AK8: variants seen among roughly 807,000 people sequenced by gnomAD.
AK8 encodes ATP-AMP transphosphorylase 8.
A neutral mutation model predicts 54.6 loss-of-function variants in AK8; 44 were observed. That is an observed-to-expected ratio of 0.81 (90% CI 0.63 to 1.04). AK8 has a LOEUF of 1.04. Among genes scored for constraint, AK8 ranks in the 50% least tolerant of loss-of-function variants. The probability of loss-of-function intolerance (pLI) is 0.00; values close to 1 mark genes in which losing one functional copy is unlikely to be tolerated. For synonymous variants in AK8, 239 were observed against 245.6 expected, an observed-to-expected ratio of 0.97 and a Z score of 0.25; for missense variants, 555 against 613.6, an observed-to-expected ratio of 0.90 and a Z score of 1.01.
rs1170168975 is a variant in AK8 at position 132,804,071 on chromosome 9, G to A, written c.979+10567C>T. Among the ~76,000 whole-genome samples, 6 of 140,180 alleles carry A rather than the reference G, an allele frequency of 4.3e-5. 1 individual carries two copies. Among genetic ancestry groups the A allele is most frequent in the South Asian group, 2.3e-4 (1 of 4,432 alleles). 92.0% of individuals were successfully genotyped at this position (140,180 alleles called of 152,430 possible). The stretch of plus-strand genomic sequence containing the variant: ...TAGTGAGCCGAGATCGCGCCACTGC[G>A]ATCCAGCCTGGGGACAGAGTGAGAC... On this transcript the variant is annotated intron_variant, in intron 10 of 12. Coordinates refer to ENST00000298545, the MANE Select transcript of AK8 (RefSeq NM_152572.3).
intron 4 of AK8, among the ~76,000 whole-genome samples, chr9:132,863,143 GGGGGAATGGGCACTGCCCGGACCAGA>G (rs1406425439): frequency 1.3e-5 from 2 of 152,260 alleles, no homozygotes; most frequent in Non-Finnish European, 2.9e-5. Flanking sequence ...GGGAGGGACA[GGGGGAATGGGCACTGCCCGGACCAGA>G]GGGTGGGCTG....
chr9:132,801,291 C>T (rs1840446196), intron 10 of AK8, among the ~76,000 whole-genome samples: 1 of 152,190 alleles, frequency 6.6e-6, no homozygotes, highest in South Asian at 2.1e-4. Context: ...AGACATTCTT[C>T]TATAAACAAC....
At chr9:132,768,635 C>A (rs2131079226) in intron 11 of AK8, among the ~76,000 whole-genome samples, 1 of 152,120 alleles carries the variant, frequency 6.6e-6, no homozygotes, top group Middle Eastern at 3.4e-3. Flanking sequence ...AGGAAATGAT[C>A]AAAACATATG....
At chr9:132,746,510 C>CA (rs1480141640) in intron 11 of AK8, among the ~76,000 whole-genome samples, 1 of 152,220 alleles carries the variant, frequency 6.6e-6, no homozygotes, top group Non-Finnish European at 1.5e-5. Flanking sequence ...GTGGCCTTAG[C>CA]ATCGAGGCTG....
chr9:132,823,302 A>G lies in AK8; in HGVS notation c.792T>C (p.Asn264=), dbSNP rs751866442. 2 of 1,613,822 alleles carry G rather than the reference A, an allele frequency of 1.2e-6. No individual in the cohort carries two copies. The highest frequency in any genetic ancestry group is 8.5e-7 in the Non-Finnish European group (1 of 1,179,882). The part of the protein sequence containing the change: ...LTYVQSNHRT[N]APFTPRVLLL... Reference sequence around the variant, plus strand: ...GCAGCACCCTCGGGGTGAACGGGGCATTAGTACGATGGTTGCTTTGGACAT... The same window carrying G: ...GCAGCACCCTCGGGGTGAACGGGGCGTTAGTACGATGGTTGCTTTGGACAT... Residue 264 remains asparagine (N), a synonymous_variant, in exon 9 of 13, where the codon AAT becomes AAC. Coordinates refer to ENST00000298545, the MANE Select transcript of AK8 (RefSeq NM_152572.3).
At chr9:132,800,421 A>C (rs534613670) in intron 10 of AK8, among the ~76,000 whole-genome samples, 2 of 152,326 alleles carry the variant, frequency 1.3e-5, no homozygotes, top group Middle Eastern at 3.4e-3. Context: ...AATGAGGAGA[A>C]ACTGGGATTG....
intron 5 of AK8, among the ~76,000 whole-genome samples, chr9:132,851,551 C>T (rs1212076413): frequency 6.6e-6 from 1 of 152,236 alleles, no homozygotes; most frequent in Non-Finnish European, 1.5e-5. Context: ...AGGCTCACCC[C>T]CAAGCTGTGC....
At chr9:132,740,706 T>G (rs368637665) in intron 11 of AK8, among the ~76,000 whole-genome samples, 13 of 147,734 alleles carry the variant, frequency 8.8e-5, no homozygotes, top group African/African-American at 3.2e-4. Context: ...GTCTTAGAGC[T>G]GAGCACCCCC....
intron 10 of AK8, among the ~76,000 whole-genome samples, chr9:132,793,894 AGCTGC>A (rs1840043672): frequency 6.6e-6 from 1 of 152,132 alleles, no homozygotes; most frequent in Non-Finnish European, 1.5e-5. Flanking sequence ...TTTCTCTGGA[AGCTGC>A]CTGGTTACCC....
intron 9 of AK8, 121 bp downstream of exon 9, chr9:132,823,084 G>A: frequency 7.4e-7 from 1 of 1,345,882 alleles, no homozygotes; most frequent in Non-Finnish European, 9.8e-7. Flanking sequence ...GAGCCAGAAA[G>A]AGAAGTGATA....
chr9:132,752,717 G>A (rs1470802025), intron 11 of AK8, among the ~76,000 whole-genome samples: 3 of 118,314 alleles, frequency 2.5e-5, no homozygotes, highest in Non-Finnish European at 5.1e-5. Context: ...GACGCTGGCT[G>A]CCCCCCACCC....
chr9:132,793,024 C>T (rs1372457825), intron 10 of AK8, among the ~76,000 whole-genome samples: 1 of 152,076 alleles, frequency 6.6e-6, no homozygotes, highest in East Asian at 1.9e-4. Context: ...CTGGACACGA[C>T]ACCATCCCCA....
In AK8 at chr9:132,791,574, T is replaced by C. The variant is rs146036488; in HGVS notation, c.1121+1060A>G. 4.6e-5 allele frequency among the ~76,000 whole-genome samples: 7 copies of C among 152,328 alleles called. No individual in the cohort carries two copies. The highest frequency in any genetic ancestry group is 1.7e-4 in the African/African-American group (7 of 41,568). On this transcript the variant is annotated intron_variant, in intron 11 of 12. Transcript: ENST00000298545. This position sits in a 1 kb window ranked among gnomAD's most constrained non-coding sequence, Gnocchi z 4.0. ...ATCAATGAGAGGGCCTTGTCCTGCATTGACTATTGAAATACAGATATGACA... is the reference window on the plus strand; with the variant it reads ...ATCAATGAGAGGGCCTTGTCCTGCACTGACTATTGAAATACAGATATGACA...
At chr9:132,863,035 A>C (rs888772265) in intron 4 of AK8, among the ~76,000 whole-genome samples, 3 of 152,270 alleles carry the variant, frequency 2.0e-5, no homozygotes, top group African/African-American at 7.2e-5. Context: ...AATGTGATCA[A>C]GCCTTATATT....
Position 132,791,600 on chromosome 9 carries a change from A to G in AK8, c.1121+1034T>C, listed in dbSNP as rs751896469. 5.9e-5 allele frequency among the ~76,000 whole-genome samples: 9 copies of G among 152,228 alleles called. No individual in the cohort carries two copies. Among genetic ancestry groups the G allele is most frequent in the Non-Finnish European group, 1.2e-4 (8 of 68,038 alleles). ...TGACTATTGAAATACAGATATGACA[A>G]AAGTAAAGTAGTTAAACAGAGAGGT... On this transcript the variant is annotated intron_variant, in intron 11 of 12. Transcript: ENST00000298545. The surrounding 1 kb of genome is among the most constrained non-coding windows in gnomAD (Gnocchi z 4.0).
At chr9:132,730,006 A>C (rs1836760059) in intron 11 of AK8, among the ~76,000 whole-genome samples, 1 of 152,144 alleles carries the variant, frequency 6.6e-6, no homozygotes, top group Non-Finnish European at 1.5e-5. Context: ...GAATTCTGAG[A>C]GTCGTGTGTT....
chr9:132,759,850 A>C (rs1327197323), intron 11 of AK8, among the ~76,000 whole-genome samples: 1 of 152,250 alleles, frequency 6.6e-6, no homozygotes, highest in African/African-American at 2.4e-5. Context: ...TGAGAGGGCA[A>C]GTCCTCCCAC....
intron 10 of AK8, among the ~76,000 whole-genome samples, chr9:132,805,164 C>T (rs1418295159): frequency 6.6e-6 from 1 of 152,236 alleles, no homozygotes; most frequent in Non-Finnish European, 1.5e-5. Context: ...GTTTGCTCTT[C>T]TCTGAAGCCG....
At chr9:132,828,106 C>G in intron 6 of AK8, 22 bp from the exon 7 acceptor site, 1 of 1,559,362 alleles carries the variant, frequency 6.4e-7, no homozygotes, top group South Asian at 1.2e-5. Flanking sequence ...AGAAAAGGAG[C>G]AAAACCAGGC....
Sources: gnomAD v4.1 joint callset for allele counts (sites outside exome capture counted in the v4.1 genomes callset) on GRCh38, gnomAD v4.1.1 for gene constraint, Gnocchi (gnomAD v3.1) non-coding constraint, MANE v1.5 for transcripts, NCBI Gene and HGNC (gene_info 2026-07-23, HGNC 2026-07-21) for gene names.